ELP6: variants seen among roughly 807,000 people sequenced by gnomAD.
The protein encoded by ELP6 is elongator complex protein 6.
A neutral mutation model predicts 28.1 loss-of-function variants in ELP6; 23 were observed. The observed-to-expected ratio is 0.82, with a 90% confidence interval of 0.59 to 1.16. ELP6 has a LOEUF of 1.16. Ranked by LOEUF, ELP6 falls within the 50% of genes most tolerant of loss-of-function variation. ELP6 has a pLI of 0.00. For synonymous variants in ELP6, 132 were observed against 135.8 expected, an observed-to-expected ratio of 0.97 and a Z score of 0.19; for missense variants, 313 against 334.6, an observed-to-expected ratio of 0.94 and a Z score of 0.50.
intron 3 of ELP6, among the ~76,000 whole-genome samples, chr3:47,509,306 C>A (rs1282663467): frequency 6.6e-6 from 1 of 152,206 alleles, no homozygotes. Context: ...TAGCCCAGTT[C>A]TCTCCCTCTC....
At position 47,503,348 on chromosome 3, in the gene ELP6, T is replaced by TA. The variant is rs750169545; in HGVS notation, c.323+981dup. On this transcript the variant is annotated intron_variant, in intron 4 of 6. Coordinates refer to ENST00000296149, the MANE Select transcript of ELP6 (RefSeq NM_001031703.3). Reference sequence around the variant, plus strand: ...GCCAAGCGGGGAGTCTTCACAGAGCTATGTTTGTGGCCAATGTTCAGAAAG... The same window carrying TA: ...GCCAAGCGGGGAGTCTTCACAGAGCTAATGTTTGTGGCCAATGTTCAGAAAG... 2.3e-6 allele frequency: 3 copies of TA among 1,289,624 alleles called. No homozygotes were observed. In the South Asian group the frequency reaches 3.7e-5, roughly 16 times the overall value. The allele number at this position is 1,289,624 out of a possible 1,614,324, so 79.9% of individuals were successfully genotyped here.
rs556359296 is a variant in ELP6, at chr3:47,506,951, G to A, written c.205-2503C>T. On this transcript the variant is annotated intron_variant, in intron 3 of 6. Transcript: ENST00000296149. The stretch of plus-strand genomic sequence containing the variant: ...TCCCTGACTTCCTGCAACATGCCTC[G>A]GCCTCCAAAAGTGCTGGGATTACAG... Among the ~76,000 whole-genome samples the A allele has an allele frequency of 1.2e-4, 19 of 152,014 alleles. No homozygotes were observed. The East Asian group carries it at 2.7e-3, about 22-fold the overall frequency.
At chr3:47,500,184 G>A in intron 5 of ELP6, 1 of 1,117,910 alleles carries the variant, frequency 8.9e-7, no homozygotes, top group South Asian at 2.1e-5. Flanking sequence ...GTTATTTTTG[G>A]GCAATGGACA....
At position 47,513,533 on chromosome 3, in the gene ELP6, T is replaced by C; in HGVS notation, c.54+4A>G. Reference sequence around the variant, plus strand: ...GCCCCCTTCCGGCCAGCGGGACCTCTTACCTGCTCCGCCCTGTCGGGGGTG... The same window carrying C: ...GCCCCCTTCCGGCCAGCGGGACCTCCTACCTGCTCCGCCCTGTCGGGGGTG... On this transcript the variant is annotated splice_donor_region_variant and intron_variant, in intron 1 of 6. Transcript: ENST00000296149. 6.2e-7 allele frequency: 1 copy of C among 1,612,304 alleles called. No homozygotes were observed. The highest frequency in any genetic ancestry group is 8.5e-7 in the Non-Finnish European group (1 of 1,179,198).
intron 3 of ELP6, chr3:47,509,981 C>G: frequency 2.2e-6 from 1 of 462,932 alleles, no homozygotes; most frequent in Non-Finnish European, 3.8e-6. Context: ...AGAATGGTCT[C>G]CAGCTCTTGA....
At chr3:47,497,111 T>A (rs1708499724) in intron 6 of ELP6, 4 of 982,400 alleles carry the variant, frequency 4.1e-6, no homozygotes, top group Non-Finnish European at 4.8e-6. Flanking sequence ...TCAGGAGTGC[T>A]CAACTTGAAG....
rs182677594 is a variant in ELP6, at chr3:47,511,493, T to A, written c.55-267A>T. The A allele has an allele frequency of 3.2e-6, 4 of 1,241,256 alleles. No individual in the cohort carries two copies. The East Asian group carries it at 1.2e-4, about 38-fold the overall frequency. The allele number at this position is 1,241,256 out of a possible 1,614,324, so 76.9% of individuals were successfully genotyped here. ...TCAAAGCAAACAGAGAATAAACTTA[T>A]TTCTCTTCCTCACTTCTCATGTTAG... is the stretch of plus-strand genomic sequence containing the variant. On this transcript the variant is annotated intron_variant, in intron 1 of 6. Coordinates refer to ENST00000296149, the MANE Select transcript of ELP6 (RefSeq NM_001031703.3).
At chr3:47,502,839 CA>C (rs1236308551) in intron 4 of ELP6, among the ~76,000 whole-genome samples, 17 of 144,780 alleles carry the variant, frequency 1.2e-4, no homozygotes, top group Admixed American at 2.1e-4. Flanking sequence ...GACCCTGTCT[CA>C]AAAAAAAAAA....
Position 47,504,443 on chromosome 3 carries a change from G to A in ELP6, c.210C>T (p.Val70=). Residue 70 remains valine (V), a synonymous_variant, in exon 4 of 7, where the codon GTC becomes GTT. Coordinates refer to ENST00000296149, the MANE Select transcript of ELP6 (RefSeq NM_001031703.3). ...HYSIVGQKLG[V]SLTMARERGQ... ...CACGCTCCCGCGCCATGGTCAGGCT[G>A]ACACCCTAAACATGAAAAAGAGAGT... 1 of 1,604,606 alleles carries A rather than the reference G, an allele frequency of 6.2e-7. No homozygotes were observed. The highest frequency in any genetic ancestry group is 8.5e-7 in the Non-Finnish European group (1 of 1,174,576).
In ELP6 at chr3:47,495,911, G is replaced by T; in HGVS notation, c.*158C>A. 5 of 1,278,440 alleles carry T rather than the reference G, an allele frequency of 3.9e-6. No homozygotes were observed. The highest frequency in any genetic ancestry group is 2.6e-5 in the East Asian group (1 of 37,992). 79.2% of individuals were successfully genotyped at this position (1,278,440 alleles called of 1,614,324 possible). A position where few individuals can be genotyped will look rare whatever the true frequency, so the allele number is the denominator to read the frequency against. ...CTGAACAGGGCCCAGGGCAGCCAAG[G>T]CATGCCATCACTGCAGCACTCAACC... On this transcript the variant is annotated 3_prime_UTR_variant, in exon 7 of 7. Coordinates refer to ENST00000296149, the MANE Select transcript of ELP6 (RefSeq NM_001031703.3).
At position 47,504,447 on chromosome 3, in the gene ELP6, C is replaced by T; in HGVS notation, c.206G>A (p.Gly69Asp). ...CTCCCGCGCCATGGTCAGGCTGACA[C>T]CCTAAACATGAAAAAGAGAGTGAGT... ...SHYSIVGQKL[G>D]VSLTMARERG... is the part of the protein sequence containing the mutation. The change falls in exon 4 of 7, where the codon GGT becomes GAT. Residue 69 changes from glycine to aspartate, a missense_variant and splice_region_variant. Coordinates refer to ENST00000296149, the MANE Select transcript of ELP6 (RefSeq NM_001031703.3). 2 of 1,598,688 alleles carry T rather than the reference C, an allele frequency of 1.3e-6. No individual in the cohort carries two copies. The highest frequency in any genetic ancestry group is 1.7e-6 in the Non-Finnish European group (2 of 1,171,128).
chr3:47,510,233 A>G lies in ELP6; in HGVS notation c.155T>C (p.Val52Ala). ...YLKANCKVCFVALIQSFSHYS... is the reference protein window; with the variant it reads ...YLKANCKVCFAALIQSFSHYS... ...GTGGCTGAAGGACTGGATGAGTGCCACAAAGCAGACTTTACAATTAGCTAG... is the reference window on the plus strand; with the variant it reads ...GTGGCTGAAGGACTGGATGAGTGCCGCAAAGCAGACTTTACAATTAGCTAG... The change falls in exon 3 of 7, where the codon GTG becomes GCG. Residue 52 changes from valine to alanine, a missense_variant. Transcript: ENST00000296149. The G allele has an allele frequency of 6.2e-7, 1 of 1,613,976 alleles. No homozygotes were observed. The highest frequency in any genetic ancestry group is 8.5e-7 in the Non-Finnish European group (1 of 1,179,840).
intron 6 of ELP6, chr3:47,497,238 A>T (rs1267346558): frequency 1.0e-6 from 1 of 985,330 alleles, no homozygotes; most frequent in Non-Finnish European, 1.2e-6. Flanking sequence ...CTCCCAGGGC[A>T]GGACTCTCAG....
intron 3 of ELP6, among the ~76,000 whole-genome samples, chr3:47,509,067 T>G (rs1309538237): frequency 6.6e-6 from 1 of 150,680 alleles, no homozygotes; most frequent in Non-Finnish European, 1.5e-5. Flanking sequence ...CCCAGCCTTT[T>G]TTTTCCTTTT....
Position 47,497,925 on chromosome 3 carries a change from C to T in ELP6, c.672+361G>A, listed in dbSNP as rs551284441. ...TAGCCTAGGTGACAGAGCAAGACTC[C>T]GTCTAAAAAAAAAAGGAACAGTGTT... On this transcript the variant is annotated intron_variant, in intron 6 of 6. Transcript: ENST00000296149. The T allele has an allele frequency of 1.6e-5, 16 of 983,274 alleles. No homozygotes were observed. In the East Asian group the frequency reaches 3.4e-4, roughly 21 times the overall value. The allele number at this position is 983,274 out of a possible 1,614,324, so 60.9% of individuals were successfully genotyped here.
At chr3:47,512,835 A>C (rs970931420) in intron 1 of ELP6, 2 of 975,168 alleles carry the variant, frequency 2.1e-6, no homozygotes, top group Non-Finnish European at 2.4e-6. Context: ...TCGCCCATGA[A>C]GACGGCGGCG....
At chr3:47,500,504 T>A (rs904002110) in intron 5 of ELP6, 1 of 152,340 alleles carries the variant, frequency 6.6e-6, no homozygotes, top group African/African-American at 2.4e-5. Context: ...GTACCCTTTA[T>A]ACTCTTCCTT....
intron 1 of ELP6, 91 bp downstream of exon 1, chr3:47,513,446 C>T (rs974713124): frequency 3.9e-6 from 6 of 1,551,768 alleles, no homozygotes; most frequent in Non-Finnish European, 5.2e-6. Flanking sequence ...GTCGTCGCGC[C>T]ATTCCCCGGG....
chr3:47,501,740 G>A lies in ELP6; in HGVS notation c.435C>T (p.Asp145=). 1 of 1,613,966 alleles carries A rather than the reference G, an allele frequency of 6.2e-7. No homozygotes were observed. The highest frequency in any genetic ancestry group is 2.2e-5 in the East Asian group (1 of 44,876). The part of the protein sequence containing the change: ...RWTYPVLLVD[D]LSVLLSLGMG... ...TGCCCAGGCTCAGGAGCACACTGAG[G>A]TCGTCCACCAACAGCACCGGGTACG... The change falls in exon 5 of 7, where the codon GAC becomes GAT. Residue 145 remains aspartate, a synonymous_variant. Coordinates refer to ENST00000296149, the MANE Select transcript of ELP6 (RefSeq NM_001031703.3).
Sources: allele counts gnomAD v4.1 joint callset (sites outside exome capture counted in the v4.1 genomes callset), GRCh38; gene constraint gnomAD v4.1.1; transcripts MANE v1.5; gene names NCBI Gene and HGNC (gene_info 2026-07-23, HGNC 2026-07-21).